PPP1R36: variants seen among roughly 807,000 people sequenced by gnomAD.
PPP1R36 encodes the protein chromosome 14 open reading frame 50.
Under a neutral mutation model 53.4 loss-of-function variants are expected in PPP1R36, and 47 were observed. That is an observed-to-expected ratio of 0.88 (90% CI 0.70 to 1.12). The LOEUF (loss-of-function observed/expected upper bound fraction) is 1.12, where lower values mean the gene tolerates loss of function less well. Ranked by LOEUF, PPP1R36 falls within the 50% of genes most tolerant of loss-of-function variation. PPP1R36 has a pLI of 0.00. For synonymous variants in PPP1R36, 153 were observed against 170.5 expected, an observed-to-expected ratio of 0.90 and a Z score of 0.80; for missense variants, 456 against 513.9, an observed-to-expected ratio of 0.89 and a Z score of 1.09.
intron 3 of PPP1R36, among the ~76,000 whole-genome samples, chr14:64,556,918 G>A (rs1251942046): frequency 6.6e-6 from 1 of 151,880 alleles, no homozygotes; most frequent in Non-Finnish European, 1.5e-5. Context: ...GGGCTTAAGC[G>A]ATCCTCCCAC....
At chr14:64,582,202 A>C (rs975687446) in intron 8 of PPP1R36, among the ~76,000 whole-genome samples, 1 of 151,778 alleles carries the variant, frequency 6.6e-6, no homozygotes, top group Non-Finnish European at 1.5e-5. Flanking sequence ...TCCCTTTGAC[A>C]CTCTTGTATA....
chr14:64,576,138 T>C (rs546353190), intron 8 of PPP1R36, among the ~76,000 whole-genome samples: 17 of 147,070 alleles, frequency 1.2e-4, no homozygotes, highest in Middle Eastern at 3.6e-3. Context: ...TGGAGTGCAA[T>C]GGTGTGATCT....
At chr14:64,555,431 C>CT (rs34363470) in intron 3 of PPP1R36, among the ~76,000 whole-genome samples, 55,734 of 151,998 alleles carry the variant, frequency 0.37, 10,848 homozygotes, top group African/African-American at 0.49. Context: ...AGAAATAACT[C>CT]TAAGAATAGT....
chr14:64,587,997 A>T (rs1015490180), intron 10 of PPP1R36, 107 bp from the exon 11 acceptor site: 19 of 1,051,198 alleles, frequency 1.8e-5, no homozygotes, highest in Non-Finnish European at 2.6e-5. Context: ...TCCCGCCTTG[A>T]TCTCCCAAAG....
At chr14:64,577,229 G>A (rs1332623050) in intron 8 of PPP1R36, among the ~76,000 whole-genome samples, 1 of 152,150 alleles carries the variant, frequency 6.6e-6, no homozygotes, top group African/African-American at 2.4e-5. Flanking sequence ...CGGGCTCTAT[G>A]TCCGTGACTT....
In PPP1R36 at chr14:64,559,506, A is replaced by T. The variant is rs537181219; in HGVS notation, c.183-5245A>T. Reference sequence around the variant, plus strand: ...GGAGACAGAGAAGGCTTCCCAAGGAAGGTGATATCTAAGCTACGACCTGAG... The same window carrying T: ...GGAGACAGAGAAGGCTTCCCAAGGATGGTGATATCTAAGCTACGACCTGAG... On this transcript the variant is annotated intron_variant, in intron 3 of 11. Transcript: ENST00000298705. The T allele has an allele frequency of 2.0e-5, 3 of 152,428 alleles. No homozygotes were observed. In the East Asian group the frequency reaches 5.8e-4, roughly 29 times the overall value. The allele number at this position is 152,428 out of a possible 1,614,324, so 9.4% of individuals were successfully genotyped here.
At chr14:64,578,060 C>G (rs2080357639) in intron 8 of PPP1R36, among the ~76,000 whole-genome samples, 1 of 150,478 alleles carries the variant, frequency 6.6e-6, no homozygotes, top group Admixed American at 6.7e-5. Context: ...TCTTGTTGCC[C>G]AGGCTGGAGT....
chr14:64,565,253 A>G, intron 4 of PPP1R36, 104 bp from the exon 5 acceptor site: 1 of 703,004 alleles, frequency 1.4e-6, no homozygotes, highest in Non-Finnish European at 2.4e-6. Flanking sequence ...TATGACACTC[A>G]GGCTCTTATT....
chr14:64,568,319 C>CT (rs745660016), intron 6 of PPP1R36, 30 bp from the exon 7 acceptor site: 9 of 1,024,822 alleles, frequency 8.8e-6, no homozygotes, highest in African/African-American at 3.3e-5. Flanking sequence ...AGCATTGACT[C>CT]TTTTTTTGTT....
At chr14:64,556,171 C>T (rs2080149722) in intron 3 of PPP1R36, among the ~76,000 whole-genome samples, 1 of 136,450 alleles carries the variant, frequency 7.3e-6, no homozygotes, top group African/African-American at 2.8e-5. Context: ...ACTCCCATTG[C>T]CCAGGCTCAC....
At chr14:64,581,594 A>G (rs2167764) in intron 8 of PPP1R36, among the ~76,000 whole-genome samples, 141,780 of 148,904 alleles carry the variant, frequency 0.95, 67,572 homozygotes, top group African/African-American at 0.99. Flanking sequence ...TTCCCTTACA[A>G]GAACTCAAGG....
chr14:64,576,648 CCT>C (rs1485196880), intron 8 of PPP1R36, among the ~76,000 whole-genome samples: 4 of 152,100 alleles, frequency 2.6e-5, no homozygotes, highest in East Asian at 3.8e-4. Context: ...CTCTTGCACC[CCT>C]GTTTCTATAG....
chr14:64,588,019 C>A, intron 10 of PPP1R36, 85 bp from the exon 11 acceptor site: 2 of 1,297,718 alleles, frequency 1.5e-6, no homozygotes, highest in Non-Finnish European at 1.1e-6. Flanking sequence ...GTTGGGATTA[C>A]AGGCATGAGC....
chr14:64,552,678 ATAAT>A (rs1239589161), intron 2 of PPP1R36, 132 bp from the exon 3 acceptor site: 26 of 647,260 alleles, frequency 4.0e-5, no homozygotes, highest in Middle Eastern at 3.1e-4. Context: ...ATGTTTCATG[ATAAT>A]TAAACAAATA....
intron 8 of PPP1R36, among the ~76,000 whole-genome samples, chr14:64,580,969 T>C (rs1596745652): frequency 6.6e-6 from 1 of 152,120 alleles, no homozygotes; most frequent in African/African-American, 2.4e-5. Context: ...ACACCGTGGT[T>C]TGTAATATCA....
At chr14:64,556,814 A>G (rs2080158253) in intron 3 of PPP1R36, among the ~76,000 whole-genome samples, 1 of 138,692 alleles carries the variant, frequency 7.2e-6, no homozygotes, top group Admixed American at 7.5e-5. Flanking sequence ...AAAACTTTTT[A>G]TGTTATTTTA....
intron 8 of PPP1R36, among the ~76,000 whole-genome samples, chr14:64,579,561 G>C (rs1462584488): frequency 2.0e-5 from 3 of 152,286 alleles, no homozygotes; most frequent in African/African-American, 4.8e-5. Context: ...TAAAATTACA[G>C]TCATCTTTAC....
rs751777814 is a variant in PPP1R36 at position 64,564,798 on chromosome 14, CA to C, written c.231del (p.Val78PhefsTer14). 1 of 1,610,614 alleles carries C rather than the reference CA, an allele frequency of 6.2e-7. No individual in the cohort carries two copies. The highest frequency in any genetic ancestry group is 1.1e-5 in the South Asian group (1 of 90,616). ...EVKEKGKKGK[A>X]VHFAETDGPA... ...AAGGAAAAAGGAAAGAAAGGCAAAG[CA>C]GTTCACTTTGCAGAAACTGATGGTC... On this transcript the variant is annotated frameshift_variant, in exon 4 of 12. Transcript: ENST00000298705. LOFTEE classifies it high-confidence loss of function.
chr14:64,573,308 G>T (rs1199948308), intron 7 of PPP1R36, among the ~76,000 whole-genome samples: 1 of 152,180 alleles, frequency 6.6e-6, no homozygotes, highest in Non-Finnish European at 1.5e-5. Context: ...TCACAGGGAA[G>T]CAGTGTTATT....
Sources: gnomAD v4.1 joint callset for allele counts (sites outside exome capture counted in the v4.1 genomes callset) on GRCh38, gnomAD v4.1.1 for gene constraint, MANE v1.5 for transcripts, NCBI Gene and HGNC (gene_info 2026-07-23, HGNC 2026-07-21) for gene names.